The following MSH3 variants were observed in gnomAD, a reference collection of about 807,000 sequenced individuals.
The protein encoded by MSH3 is DNA mismatch repair protein Msh3.
In MSH3, 106 loss-of-function variants were observed where a neutral mutation model predicts 123.3. The observed-to-expected ratio is 0.86, with a 90% CI of 0.73 to 1.01. The LOEUF (loss-of-function observed/expected upper bound fraction) is 1.01. Ranked by LOEUF, MSH3 falls within the 50% of genes least tolerant of loss-of-function variation. The pLI is 0.00. For synonymous variants in MSH3, 515 were observed against 481.4 expected (o/e 1.07, Z -0.91); for missense variants, 1,459 against 1,347.6 (o/e 1.08, Z -1.29).
chr5:80,859,233 G>A (rs1745969613), intron 21 of MSH3, among the ~76,000 whole-genome samples: 1 of 152,056 alleles, frequency 6.6e-6, no homozygotes, highest in African/African-American at 2.4e-5. Context: ...TGATTCTTGT[G>A]CCTCAGCCTC....
intron 8 of MSH3, among the ~76,000 whole-genome samples, chr5:80,680,347 A>C (rs1045926480): frequency 1.3e-5 from 2 of 151,380 alleles, no homozygotes; most frequent in Non-Finnish European, 2.9e-5. Context: ...TTTTCATTTG[A>C]ATTTAATTTC....
chr5:80,828,926 C>T (rs781356126), intron 20 of MSH3, among the ~76,000 whole-genome samples: 97 of 152,222 alleles, frequency 6.4e-4, no homozygotes, highest in Non-Finnish European at 9.4e-4. Flanking sequence ...CAAGTGCCTG[C>T]AGCTTTCCCA....
intron 6 of MSH3, 54 bp from the exon 7 acceptor site, chr5:80,674,929 G>T (rs763165611): frequency 3.0e-6 from 4 of 1,353,570 alleles, no homozygotes; most frequent in Non-Finnish European, 4.1e-6. Flanking sequence ...TGGAAATTTA[G>T]CATATTAGGA....
At chr5:80,729,558 A>G (rs1319242182) in intron 10 of MSH3, among the ~76,000 whole-genome samples, 7 of 151,704 alleles carry the variant, frequency 4.6e-5, no homozygotes, top group Non-Finnish European at 7.4e-5. Flanking sequence ...TGTGCTTTAT[A>G]CTAACTGGAC....
intron 21 of MSH3, among the ~76,000 whole-genome samples, chr5:80,857,493 G>A (rs1292506360): frequency 2.0e-5 from 3 of 152,196 alleles, no homozygotes; most frequent in Non-Finnish European, 4.4e-5. Context: ...ATTTGGTGGA[G>A]TTCACCAGTG....
At chr5:80,773,565 A>G (rs1744248459) in intron 15 of MSH3, among the ~76,000 whole-genome samples, 2 of 152,190 alleles carry the variant, frequency 1.3e-5, no homozygotes, top group Non-Finnish European at 2.9e-5. Flanking sequence ...TGGGAAAAAT[A>G]AACTCAAGAA....
chr5:80,686,123 C>T (rs544084209), intron 8 of MSH3, among the ~76,000 whole-genome samples: 1 of 152,252 alleles, frequency 6.6e-6, no homozygotes, highest in South Asian at 2.1e-4. Flanking sequence ...ATCAGATCCT[C>T]TACATGCTGA....
chr5:80,836,759 A>G (rs1037899751), intron 20 of MSH3, among the ~76,000 whole-genome samples: 24 of 151,982 alleles, frequency 1.6e-4, no homozygotes, highest in African/African-American at 5.8e-4. Flanking sequence ...CTATGTAAAG[A>G]GTTCCTATAC....
intron 16 of MSH3, among the ~76,000 whole-genome samples, chr5:80,778,198 A>C (rs1283868940): frequency 6.6e-6 from 1 of 152,208 alleles, no homozygotes; most frequent in Non-Finnish European, 1.5e-5. Flanking sequence ...GCCACTGTGA[A>C]TCTGCACAGA....
chr5:80,714,818 C>G (rs1373443818), intron 8 of MSH3, among the ~76,000 whole-genome samples: 2 of 152,154 alleles, frequency 1.3e-5, no homozygotes, highest in African/African-American at 4.8e-5. Flanking sequence ...GCTAAATAAA[C>G]TTTATTGCAG....
In MSH3 at chr5:80,864,961, G is replaced by A. The variant is rs1353357488; in HGVS notation, c.3130+19G>A. 2 of 1,612,860 alleles carry A rather than the reference G, an allele frequency of 1.2e-6. No individual in the cohort carries two copies. Among genetic ancestry groups the A allele is most frequent in the African/African-American group, 2.7e-5 (2 of 75,018 alleles). ...GATCCAGGTATGAAATATTCCTGCA[G>A]TTGGTACAAATATTGGTTTTCATGT... On this transcript the variant is annotated intron_variant, in intron 22 of 23. Transcript: ENST00000265081.
chr5:80,774,458 GGT>G (rs1744265454), intron 15 of MSH3, among the ~76,000 whole-genome samples: 1 of 151,778 alleles, frequency 6.6e-6, no homozygotes, highest in Non-Finnish European at 1.5e-5. Context: ...CCCACTGCTA[GGT>G]ATATATCCCA....
In MSH3 at chr5:80,671,511, T is replaced by C. The variant is rs558652062; in HGVS notation, c.793-733T>C. 1.1e-4 allele frequency among the ~76,000 whole-genome samples: 16 copies of C among 152,338 alleles called. No individual in the cohort carries two copies. The South Asian group carries it at 1.2e-3, about 12-fold the overall frequency. ...TGTTTTCTGAGGGCAGGAACAAATATGTAGTTGTCATCCCCTAGGCGAAGG... is the reference window on the plus strand; with the variant it reads ...TGTTTTCTGAGGGCAGGAACAAATACGTAGTTGTCATCCCCTAGGCGAAGG... On this transcript the variant is annotated intron_variant, in intron 4 of 23. Transcript: ENST00000265081.
intron 12 of MSH3, among the ~76,000 whole-genome samples, chr5:80,751,949 T>G (rs1307750084): frequency 6.6e-6 from 1 of 152,082 alleles, no homozygotes; most frequent in Non-Finnish European, 1.5e-5. Flanking sequence ...CTATTCAACG[T>G]CTGATGTGAG....
chr5:80,794,901 C>A (rs1200797825), intron 19 of MSH3, among the ~76,000 whole-genome samples: 1 of 152,242 alleles, frequency 6.6e-6, no homozygotes, highest in African/African-American at 2.4e-5. Flanking sequence ...GTACATGGTC[C>A]ATGGTTGGAT....
rs756190979 is a variant in MSH3 at position 80,656,427 on chromosome 5, GAAGA to G, written c.260_263del (p.Lys87ArgfsTer14). ...CCGATATAGGCTACAGAAATTGACAGAAGAAAGAAGAGACCATTGGAAAATGATG... is the reference window on the plus strand; with the variant it reads ...CCGATATAGGCTACAGAAATTGACAGAAGAAGAGACCATTGGAAAATGATG... On this transcript the variant is annotated frameshift_variant, in exon 2 of 24. Transcript: ENST00000265081. LOFTEE classifies it high-confidence loss of function. The G allele has an allele frequency of 1.2e-6, 2 of 1,614,122 alleles. No individual in the cohort carries two copies. The highest frequency in any genetic ancestry group is 1.7e-6 in the Non-Finnish European group (2 of 1,180,008).
chr5:80,868,881 C>T (rs1746150569), intron 22 of MSH3, among the ~76,000 whole-genome samples: 1 of 151,954 alleles, frequency 6.6e-6, no homozygotes. Flanking sequence ...AGCAGTGCTC[C>T]ACTGCCTGCT....
intron 19 of MSH3, among the ~76,000 whole-genome samples, chr5:80,808,856 T>A (rs1296972459): frequency 8.6e-6 from 1 of 115,718 alleles, no homozygotes; most frequent in East Asian, 2.9e-4. Flanking sequence ...ATATATCTTC[T>A]TCATATATAT....
At chr5:80,808,554 T>A (rs996341151) in intron 19 of MSH3, among the ~76,000 whole-genome samples, 1 of 152,090 alleles carries the variant, frequency 6.6e-6, no homozygotes, top group African/African-American at 2.4e-5. Flanking sequence ...CCCAGCTAAA[T>A]AAACATGGTT....
Sources: gnomAD v4.1 joint callset for allele counts (sites outside exome capture counted in the v4.1 genomes callset) on GRCh38, gnomAD v4.1.1 for gene constraint, MANE v1.5 for transcripts, NCBI Gene and HGNC (gene_info 2026-07-23, HGNC 2026-07-21) for gene names.